The following GNAQ variants were observed in gnomAD, a reference collection of about 807,000 sequenced individuals.
GNAQ encodes G protein subunit alpha q.
GNAQ carries 8 observed loss-of-function variants against 43.9 expected under a neutral mutation model. The observed-to-expected ratio is 0.18, with a 90% CI of 0.11 to 0.33. The LOEUF (loss-of-function observed/expected upper bound fraction) is 0.33, where lower values mean the gene tolerates loss of function less well. Ranked by LOEUF, GNAQ falls within the 10% of genes least tolerant of loss-of-function variation. GNAQ has a pLI of 1.00. For synonymous variants in GNAQ, 155 were observed against 170.7 expected, an observed-to-expected ratio of 0.91 and a Z score of 0.71; for missense variants, 158 against 450.8, an observed-to-expected ratio of 0.35 and a Z score of 5.88.
intron 1 of GNAQ, among the ~76,000 whole-genome samples, chr9:77,941,903 T>TACACACACACACAC (rs1320268340): frequency 1.1e-5 from 1 of 90,406 alleles, no homozygotes; most frequent in African/African-American, 4.5e-5. Context: ...ACATACAACA[T>TACACACACACACAC]ACATACACAC....
chr9:77,869,190 G>GA (rs1173921512), intron 2 of GNAQ, among the ~76,000 whole-genome samples: 1 of 151,604 alleles, frequency 6.6e-6, no homozygotes, highest in Non-Finnish European at 1.5e-5. Context: ...ATTTCAATAG[G>GA]AAAAAACAAA....
chr9:77,893,941 C>T (rs910101439), intron 2 of GNAQ, among the ~76,000 whole-genome samples: 12 of 152,034 alleles, frequency 7.9e-5, no homozygotes, highest in African/African-American at 2.7e-4. Context: ...CTCTCACCTG[C>T]GGACACCATG....
chr9:77,940,763 C>A (rs938868825), intron 1 of GNAQ, among the ~76,000 whole-genome samples: 3 of 151,886 alleles, frequency 2.0e-5, no homozygotes, highest in African/African-American at 2.4e-5. Flanking sequence ...GTCAGGAGAT[C>A]GAGACCATCC....
At chr9:77,789,838 C>T (rs1056295822) in intron 5 of GNAQ, among the ~76,000 whole-genome samples, 7 of 152,108 alleles carry the variant, frequency 4.6e-5, no homozygotes, top group African/African-American at 1.7e-4. Context: ...TCCCTATACC[C>T]GGATCAGCAC....
intron 1 of GNAQ, among the ~76,000 whole-genome samples, chr9:78,013,319 T>C (rs1477890153): frequency 6.6e-6 from 1 of 152,152 alleles, no homozygotes; most frequent in African/African-American, 2.4e-5. Flanking sequence ...AGACTTTTTT[T>C]TTTTTTATTA....
intron 3 of GNAQ, among the ~76,000 whole-genome samples, chr9:77,811,268 A>G (rs1459321971): frequency 6.6e-6 from 1 of 152,078 alleles, no homozygotes; most frequent in Non-Finnish European, 1.5e-5. Flanking sequence ...CAGAATAACA[A>G]TGAAGTATGT....
At chr9:77,931,508 G>A (rs867615504) in intron 1 of GNAQ, among the ~76,000 whole-genome samples, 5 of 151,758 alleles carry the variant, frequency 3.3e-5, no homozygotes, top group Non-Finnish European at 4.4e-5. Context: ...GGAGGATGGC[G>A]TGAGCCCCGG....
chr9:77,883,643 G>A (rs4744854), intron 2 of GNAQ, among the ~76,000 whole-genome samples: 2 of 150,262 alleles, frequency 1.3e-5, no homozygotes, highest in African/African-American at 4.9e-5. Flanking sequence ...CCTTGCCCCC[G>A]CCCCCACTCT....
intron 2 of GNAQ, among the ~76,000 whole-genome samples, chr9:77,915,298 A>T (rs1828880436): frequency 7.1e-6 from 1 of 140,040 alleles, no homozygotes; most frequent in African/African-American, 2.5e-5. Context: ...TACCTCCTAA[A>T]TCTGGTCACA....
intron 1 of GNAQ, among the ~76,000 whole-genome samples, chr9:78,017,542 A>G (rs765761321): frequency 2.6e-5 from 4 of 152,244 alleles, no homozygotes; most frequent in Non-Finnish European, 5.9e-5. Context: ...AGAACCATAC[A>G]TCAGAGATGT....
chr9:77,938,674 C>A (rs145014458), intron 1 of GNAQ, among the ~76,000 whole-genome samples: 1 of 152,202 alleles, frequency 6.6e-6, no homozygotes, highest in African/African-American at 2.4e-5. Flanking sequence ...ACCTGGGAAT[C>A]CGAGAAAATG....
At chr9:78,024,225 G>C (rs1441693342) in intron 1 of GNAQ, among the ~76,000 whole-genome samples, 1 of 152,120 alleles carries the variant, frequency 6.6e-6, no homozygotes, top group Non-Finnish European at 1.5e-5. Flanking sequence ...ACAAATGAGA[G>C]GAAGGCAAGA....
intron 2 of GNAQ, among the ~76,000 whole-genome samples, chr9:77,834,457 T>C (rs1172560791): frequency 6.6e-6 from 1 of 152,122 alleles, no homozygotes; most frequent in Non-Finnish European, 1.5e-5. Flanking sequence ...TGGTTTTTGT[T>C]AAAGAATTTT....
At chr9:77,856,402 A>C (rs985404308) in intron 2 of GNAQ, among the ~76,000 whole-genome samples, 1 of 152,220 alleles carries the variant, frequency 6.6e-6, no homozygotes, top group South Asian at 2.1e-4. Context: ...TATAGGAAGG[A>C]AGGCATGGGG....
chr9:77,850,343 C>G (rs1827654548), intron 2 of GNAQ, among the ~76,000 whole-genome samples: 1 of 152,168 alleles, frequency 6.6e-6, no homozygotes, highest in Admixed American at 6.5e-5. Flanking sequence ...ACTCAGTGTT[C>G]TTCAGTCTCC....
intron 5 of GNAQ, among the ~76,000 whole-genome samples, chr9:77,744,785 C>A (rs190707660): frequency 6.6e-6 from 1 of 152,082 alleles, no homozygotes; most frequent in African/African-American, 2.4e-5. Flanking sequence ...TGACTCAACA[C>A]TTCTGAAAAA....
chr9:77,840,359 T>TG (rs201374230), intron 2 of GNAQ, among the ~76,000 whole-genome samples: 1,861 of 151,568 alleles, frequency 0.012, 38 homozygotes, highest in African/African-American at 0.042. Context: ...TTTTGTTTTT[T>TG]TTTTTTTTTA....
At chr9:77,974,167 C>G (rs1249222588) in intron 1 of GNAQ, among the ~76,000 whole-genome samples, 1 of 152,052 alleles carries the variant, frequency 6.6e-6, no homozygotes, top group African/African-American at 2.4e-5. Flanking sequence ...AACTTTAAGA[C>G]ACTGAAGAAC....
At chr9:77,887,086 C>T (rs980566897) in intron 2 of GNAQ, among the ~76,000 whole-genome samples, 1 of 152,098 alleles carries the variant, frequency 6.6e-6, no homozygotes, top group Non-Finnish European at 1.5e-5. Context: ...TGCGCCACTG[C>T]ACTCCAGCGT....
Sources: gnomAD v4.1 joint callset for allele counts (sites outside exome capture counted in the v4.1 genomes callset) on GRCh38, gnomAD v4.1.1 for gene constraint, MANE v1.5 for transcripts, NCBI Gene and HGNC (gene_info 2026-07-23, HGNC 2026-07-21) for gene names.